HTR1E: variants seen among roughly 807,000 people sequenced by gnomAD.
HTR1E encodes 5-HT-1E.
Under a neutral mutation model 3.4 loss-of-function variants are expected in HTR1E, and 3 were observed. That is an observed-to-expected ratio of 0.89 (90% CI 0.41 to 2.31). The LOEUF (loss-of-function observed/expected upper bound fraction) is 2.31. HTR1E is among the 30% of genes most tolerant of loss of function. The pLI is 0.05. For missense variants in HTR1E, 392 were observed against 467.0 expected (o/e 0.84, Z 1.48); for synonymous variants, 170 against 182.8 (o/e 0.93, Z 0.56).
chr6:86,974,500 G>A (rs948901035), intron 1 of HTR1E, among the ~76,000 whole-genome samples: 3 of 151,968 alleles, frequency 2.0e-5, no homozygotes, highest in Non-Finnish European at 4.4e-5. Context: ...CATCAATTTG[G>A]GTTTTCTAGT....
chr6:87,000,262 C>T (rs1412950591), intron 1 of HTR1E: 1 of 152,236 alleles, frequency 6.6e-6, no homozygotes, highest in African/African-American at 2.4e-5. Flanking sequence ...GGACCTTGAC[C>T]TCTCTTTTTT....
intron 1 of HTR1E, among the ~76,000 whole-genome samples, chr6:86,968,911 A>G (rs1048213551): frequency 2.6e-5 from 4 of 152,044 alleles, no homozygotes; most frequent in Admixed American, 2.0e-4. Context: ...CCTAGTTTTC[A>G]CTTATGATTT....
intron 1 of HTR1E, chr6:86,970,818 T>C (rs776526288): frequency 4.2e-5 from 10 of 238,974 alleles, no homozygotes; most frequent in Non-Finnish European, 6.6e-5. Context: ...AGTGGAACCT[T>C]TGTGAAGCTC....
intron 1 of HTR1E, among the ~76,000 whole-genome samples, chr6:86,966,261 TATAAC>T (rs1312313838): frequency 3.9e-5 from 6 of 152,288 alleles, no homozygotes; most frequent in East Asian, 1.9e-4. Context: ...GGTAAAATGT[TATAAC>T]ATAAGAAGAA....
intron 1 of HTR1E, among the ~76,000 whole-genome samples, chr6:86,993,273 A>T (rs1582275933): frequency 9.0e-6 from 1 of 111,550 alleles, no homozygotes. Flanking sequence ...AAGTTTATTT[A>T]AAAAAAAAAA....
chr6:86,965,801 T>G lies in HTR1E; in HGVS notation c.-186+27978T>G, dbSNP rs548180712. On this transcript the variant is annotated intron_variant, in intron 1 of 1. Coordinates refer to ENST00000305344, the MANE Select transcript of HTR1E (RefSeq NM_000865.3). ...CCTCACTCATAAGTGGAAGCTAAGC[T>G]ATAAGGATGCAAAGGCATAAGAATG... Among the ~76,000 whole-genome samples the G allele has an allele frequency of 6.2e-4, 94 of 151,922 alleles. 4 individuals are homozygous for G. The South Asian group carries it at 0.019, about 31-fold the overall frequency.
chr6:86,988,262 G>A lies in HTR1E; in HGVS notation c.-185-26888G>A, dbSNP rs142335241. Among the ~76,000 whole-genome samples the A allele has an allele frequency of 1.9e-3, 285 of 152,180 alleles. 6 individuals are homozygous for A. Among genetic ancestry groups the A allele is most frequent in the East Asian group, 4.5e-3 (23 of 5,158 alleles). On this transcript the variant is annotated intron_variant, in intron 1 of 1. Coordinates refer to ENST00000305344, the MANE Select transcript of HTR1E (RefSeq NM_000865.3). ...GCCCTGAAACTAGTGGTTCTATGCA[G>A]CCCACTATGAGTTTACCACGGGAAG...
intron 1 of HTR1E, among the ~76,000 whole-genome samples, chr6:87,010,298 C>G (rs1228816677): frequency 9.0e-6 from 1 of 111,346 alleles, no homozygotes; most frequent in Non-Finnish European, 1.8e-5. Flanking sequence ...GACGGGGCGG[C>G]TGGCCGGGCG....
At chr6:86,970,647 T>A (rs1343298404) in intron 1 of HTR1E, 1 of 160,588 alleles carries the variant, frequency 6.2e-6, no homozygotes, top group Non-Finnish European at 1.4e-5. Flanking sequence ...ATGGACAGAA[T>A]GGAGATTCGA....
intron 1 of HTR1E, among the ~76,000 whole-genome samples, chr6:86,962,554 C>T (rs185985077): frequency 6.6e-6 from 1 of 152,166 alleles, no homozygotes; most frequent in Admixed American, 6.5e-5. Flanking sequence ...AAGCATATCA[C>T]AGGCTGGGTG....
intron 1 of HTR1E, among the ~76,000 whole-genome samples, chr6:86,992,410 A>C (rs192388945): frequency 1.3e-5 from 2 of 152,150 alleles, no homozygotes; most frequent in African/African-American, 4.8e-5. Context: ...CAGTTTTTCA[A>C]TTCAAGTTCT....
At chr6:86,956,010 C>G (rs1767317401) in intron 1 of HTR1E, among the ~76,000 whole-genome samples, 1 of 152,108 alleles carries the variant, frequency 6.6e-6, no homozygotes, top group Non-Finnish European at 1.5e-5. Context: ...ACCCTTCTCT[C>G]TTTGGAATTG....
chr6:86,987,798 G>T (rs1767811185), intron 1 of HTR1E, among the ~76,000 whole-genome samples: 1 of 152,090 alleles, frequency 6.6e-6, no homozygotes, highest in Admixed American at 6.6e-5. Context: ...AGAATACAGT[G>T]TCCTCACATG....
intron 1 of HTR1E, among the ~76,000 whole-genome samples, chr6:86,946,427 G>C (rs774540845): frequency 6.6e-6 from 1 of 152,210 alleles, no homozygotes; most frequent in Non-Finnish European, 1.5e-5. Flanking sequence ...ATGCCACATA[G>C]CCTAGGTGTG....
chr6:86,960,320 C>G (rs1767387352), intron 1 of HTR1E, among the ~76,000 whole-genome samples: 1 of 152,146 alleles, frequency 6.6e-6, no homozygotes, highest in Non-Finnish European at 1.5e-5. Flanking sequence ...ACTCCCATAA[C>G]CCTTTTTATA....
chr6:87,012,730 C>T (rs372274762), intron 1 of HTR1E, among the ~76,000 whole-genome samples: 25 of 152,282 alleles, frequency 1.6e-4, no homozygotes, highest in Non-Finnish European at 3.4e-4. Flanking sequence ...ATGTATTAGG[C>T]GTTGTTCTCA....
intron 1 of HTR1E, among the ~76,000 whole-genome samples, chr6:87,003,787 G>T (rs1768060136): frequency 6.6e-6 from 1 of 151,826 alleles, no homozygotes; most frequent in African/African-American, 2.4e-5. Flanking sequence ...AGAAATAAGT[G>T]AAATTGAAAC....
chr6:86,994,411 A>G (rs1767909110), intron 1 of HTR1E, among the ~76,000 whole-genome samples: 1 of 152,114 alleles, frequency 6.6e-6, no homozygotes, highest in Non-Finnish European at 1.5e-5. Context: ...TATCAGGAGA[A>G]AAAAAAATTG....
At chr6:86,981,155 G>A (rs557624186) in intron 1 of HTR1E, among the ~76,000 whole-genome samples, 33 of 152,290 alleles carry the variant, frequency 2.2e-4, no homozygotes, top group African/African-American at 7.5e-4. Context: ...GATATCCACC[G>A]ACTTTAAGTT....
Sources: allele counts gnomAD v4.1 joint callset (sites outside exome capture counted in the v4.1 genomes callset), GRCh38; gene constraint gnomAD v4.1.1; transcripts MANE v1.5; gene names NCBI Gene and HGNC (gene_info 2026-07-23, HGNC 2026-07-21).